NKAIN2: variants seen among roughly 807,000 people sequenced by gnomAD.
The protein encoded by NKAIN2 is sodium/potassium-transporting ATPase subunit beta-1-interacting protein 2.
In NKAIN2, 14 loss-of-function variants were observed where a neutral mutation model predicts 32.6. That is an observed-to-expected ratio of 0.43 (90% CI 0.28 to 0.67). The LOEUF (loss-of-function observed/expected upper bound fraction) is 0.67, where lower values mean the gene tolerates loss of function less well. NKAIN2 is among the 30% of genes least tolerant of loss of function. NKAIN2 has a pLI of 0.17. For missense variants in NKAIN2, 198 were observed against 258.3 expected (o/e 0.77, Z 1.60); for synonymous variants, 80 against 87.2 (o/e 0.92, Z 0.46).
chr6:123,975,821 C>G (rs577694531), intron 1 of NKAIN2, among the ~76,000 whole-genome samples: 1 of 152,048 alleles, frequency 6.6e-6, no homozygotes, highest in Admixed American at 6.6e-5. Context: ...TATCAATAAT[C>G]AGGTTTCAGC....
chr6:124,818,367 A>G lies in NKAIN2; in HGVS notation c.536-20A>G, dbSNP rs1469979716. On this transcript the variant is annotated intron_variant, in intron 5 of 6. Transcript: ENST00000368417. ...GTATATCTCTTCTGAAAAGCTAATT[A>G]ATGAATTGTCCCTTTTCAGTTGATT... is the stretch of plus-strand genomic sequence containing the variant. 3 of 1,433,816 alleles carry G rather than the reference A, an allele frequency of 2.1e-6. No homozygotes were observed. Among genetic ancestry groups the G allele is most frequent in the Admixed American group, 1.7e-5 (1 of 59,006 alleles). The allele number at this position is 1,433,816 out of a possible 1,614,324, so 88.8% of individuals were successfully genotyped here.
intron 5 of NKAIN2, among the ~76,000 whole-genome samples, chr6:124,797,605 A>G (rs1780058883): frequency 6.6e-6 from 1 of 152,210 alleles, no homozygotes; most frequent in South Asian, 2.1e-4. Flanking sequence ...TTTGAAAAGA[A>G]AACCACAGGA....
intron 4 of NKAIN2, among the ~76,000 whole-genome samples, chr6:124,715,218 C>G (rs1196411323): frequency 6.6e-6 from 1 of 152,194 alleles, no homozygotes; most frequent in Non-Finnish European, 1.5e-5. Context: ...TGAAAATCAG[C>G]TATGGAATCT....
intron 1 of NKAIN2, among the ~76,000 whole-genome samples, chr6:123,934,535 T>C (rs1776412648): frequency 6.6e-6 from 1 of 152,164 alleles, no homozygotes; most frequent in African/African-American, 2.4e-5. Context: ...CTTATTCTTT[T>C]ATGTGCATGT....
At chr6:124,494,760 T>G (rs1778000451) in intron 3 of NKAIN2, among the ~76,000 whole-genome samples, 1 of 152,126 alleles carries the variant, frequency 6.6e-6, no homozygotes, top group South Asian at 2.1e-4. Flanking sequence ...TGTCTTTGTT[T>G]AAGTCGATGC....
At chr6:124,221,994 C>T (rs775516404) in intron 1 of NKAIN2, among the ~76,000 whole-genome samples, 78 of 152,096 alleles carry the variant, frequency 5.1e-4, no homozygotes, top group Non-Finnish European at 1.0e-3. Context: ...TTCTTTTTCA[C>T]TCTGATAAGT....
intron 4 of NKAIN2, among the ~76,000 whole-genome samples, chr6:124,687,743 TACACACACAC>T (rs373594549): frequency 9.6e-5 from 10 of 104,374 alleles, no homozygotes; most frequent in South Asian, 6.5e-4. Context: ...ATATGATATA[TACACACACAC>T]ACACACACAC....
intron 1 of NKAIN2, among the ~76,000 whole-genome samples, chr6:124,249,193 A>G (rs761311783): frequency 2.6e-5 from 4 of 152,098 alleles, no homozygotes; most frequent in Non-Finnish European, 5.9e-5. Flanking sequence ...ACCTCTTTCA[A>G]TGGATTAGTC....
At chr6:123,868,754 A>C (rs1459442029) in intron 1 of NKAIN2, among the ~76,000 whole-genome samples, 1 of 152,206 alleles carries the variant, frequency 6.6e-6, no homozygotes, top group East Asian at 1.9e-4. Context: ...CATCTTACAC[A>C]TTTTGTGTAG....
At chr6:124,000,193 A>G (rs1779814886) in intron 1 of NKAIN2, among the ~76,000 whole-genome samples, 1 of 152,092 alleles carries the variant, frequency 6.6e-6, no homozygotes, top group South Asian at 2.1e-4. Context: ...ATAACAAGGA[A>G]TAACTCCTAT....
intron 4 of NKAIN2, among the ~76,000 whole-genome samples, chr6:124,775,753 G>T (rs1051663319): frequency 1.3e-5 from 2 of 152,174 alleles, no homozygotes; most frequent in African/African-American, 4.8e-5. Flanking sequence ...TGATAACACT[G>T]CAAGGAGCTA....
chr6:124,285,914 ATATT>A (rs773316019), intron 2 of NKAIN2, among the ~76,000 whole-genome samples: 22 of 152,298 alleles, frequency 1.4e-4, no homozygotes, highest in African/African-American at 5.0e-4. Context: ...TAAGGAAAAT[ATATT>A]TATTATTGAT....
intron 3 of NKAIN2, among the ~76,000 whole-genome samples, chr6:124,473,404 C>T (rs1183192639): frequency 6.6e-6 from 1 of 152,112 alleles, no homozygotes; most frequent in East Asian, 1.9e-4. Context: ...ATTTGAAAAA[C>T]ATTGCACTAC....
At chr6:124,617,167 G>A (rs2115009030) in intron 3 of NKAIN2, among the ~76,000 whole-genome samples, 1 of 152,306 alleles carries the variant, frequency 6.6e-6, no homozygotes, top group East Asian at 1.9e-4. Flanking sequence ...TGATAGATAA[G>A]TTACAAATAG....
intron 1 of NKAIN2, among the ~76,000 whole-genome samples, chr6:123,986,915 G>A (rs1161739726): frequency 6.6e-6 from 1 of 152,178 alleles, no homozygotes; most frequent in Non-Finnish European, 1.5e-5. Context: ...AGAGTGTTAT[G>A]TGCTGAATGA....
At chr6:124,642,661 C>A (rs181976510) in intron 3 of NKAIN2, among the ~76,000 whole-genome samples, 10 of 152,270 alleles carry the variant, frequency 6.6e-5, no homozygotes, top group Admixed American at 3.9e-4. Flanking sequence ...CTCCTGCATC[C>A]TTTGCTAATT....
At chr6:123,972,010 C>T (rs1193062133) in intron 1 of NKAIN2, among the ~76,000 whole-genome samples, 1 of 152,106 alleles carries the variant, frequency 6.6e-6, no homozygotes, top group African/African-American at 2.4e-5. Context: ...CCAAGCTTTC[C>T]CCTTCCCCAA....
chr6:123,976,340 T>TA (rs1778595469), intron 1 of NKAIN2, among the ~76,000 whole-genome samples: 3 of 24,426 alleles, frequency 1.2e-4, no homozygotes, highest in Admixed American at 4.4e-4. Flanking sequence ...CATATATATA[T>TA]ATGTTCCCAT....
intron 1 of NKAIN2, among the ~76,000 whole-genome samples, chr6:124,035,311 A>G (rs1582966535): frequency 6.6e-6 from 1 of 152,156 alleles, no homozygotes; most frequent in East Asian, 1.9e-4. Context: ...TTAACTGTAA[A>G]TTAGAGCACA....
Sources: gnomAD v4.1 joint callset for allele counts (sites outside exome capture counted in the v4.1 genomes callset) on GRCh38, gnomAD v4.1.1 for gene constraint, MANE v1.5 for transcripts, NCBI Gene and HGNC (gene_info 2026-07-23, HGNC 2026-07-21) for gene names.